The following RIMS2 variants were observed in gnomAD, a reference collection of about 807,000 sequenced individuals.
RIMS2 encodes the protein regulating synaptic membrane exocytosis protein 2.
In RIMS2, 59 loss-of-function variants were observed where a neutral mutation model predicts 174.4. The ratio of observed to expected loss-of-function variants is 0.34; its 90% CI spans 0.27 to 0.42. The LOEUF (loss-of-function observed/expected upper bound fraction) is 0.42, where lower values mean the gene tolerates loss of function less well. Among genes scored for constraint, RIMS2 ranks in the 10% least tolerant of loss-of-function variants. The probability of loss-of-function intolerance (pLI) is 1.00; values close to 1 mark genes in which losing one functional copy is unlikely to be tolerated. For missense variants in RIMS2, 1,620 were observed against 1,666.3 expected, an observed-to-expected ratio of 0.97 and a Z score of 0.48; for synonymous variants, 606 against 572.5, an observed-to-expected ratio of 1.06 and a Z score of -0.84.
At chr8:103,670,130 C>G (rs1316871593) in intron 1 of RIMS2, among the ~76,000 whole-genome samples, 7 of 152,228 alleles carry the variant, frequency 4.6e-5, no homozygotes, top group Non-Finnish European at 1.0e-4. Flanking sequence ...GGCTCAACAC[C>G]AGGTGGAAGC....
intron 4 of RIMS2, among the ~76,000 whole-genome samples, chr8:103,896,711 G>T (rs1233797870): frequency 2.0e-5 from 3 of 151,502 alleles, no homozygotes; most frequent in Non-Finnish European, 4.4e-5. Flanking sequence ...CTCATCTAGA[G>T]GGTCCAAAAT....
intron 3 of RIMS2, chr8:103,819,252 T>C: frequency 7.7e-7 from 1 of 1,295,392 alleles, no homozygotes; most frequent in South Asian, 1.7e-5. Context: ...AAAAGCTTAC[T>C]GCTGTTTAGA....
chr8:103,544,934 C>T (rs913191889), intron 1 of RIMS2, among the ~76,000 whole-genome samples: 1 of 152,162 alleles, frequency 6.6e-6, no homozygotes, highest in African/African-American at 2.4e-5. Context: ...AACATCAGCC[C>T]ACACATGTGA....
intron 16 of RIMS2, among the ~76,000 whole-genome samples, chr8:103,984,878 C>G (rs1259598295): frequency 2.0e-5 from 3 of 152,170 alleles, no homozygotes; most frequent in Non-Finnish European, 4.4e-5. Flanking sequence ...GATCCTGTCA[C>G]TTGTAACAAC....
At chr8:104,101,040 T>C (rs1002557329) in intron 19 of RIMS2, among the ~76,000 whole-genome samples, 101 of 143,334 alleles carry the variant, frequency 7.0e-4, no homozygotes, top group Non-Finnish European at 2.3e-4. Context: ...TTATATATTA[T>C]ATTATATATT....
chr8:104,095,418 A>G (rs2097742006), intron 19 of RIMS2, among the ~76,000 whole-genome samples: 1 of 152,170 alleles, frequency 6.6e-6, no homozygotes, highest in Admixed American at 6.5e-5. Context: ...CTTAAACTCA[A>G]TCCATTAGAT....
chr8:104,148,660 T>G (rs374093586), intron 19 of RIMS2: 1 of 1,598,270 alleles, frequency 6.3e-7, no homozygotes, highest in East Asian at 2.2e-5. Context: ...GGGAAGAACA[T>G]GACAAAAAGC....
intron 3 of RIMS2, among the ~76,000 whole-genome samples, chr8:103,769,951 A>G (rs1010027900): frequency 6.6e-6 from 1 of 152,248 alleles, no homozygotes; most frequent in Non-Finnish European, 1.5e-5. Context: ...CAGATTTGGT[A>G]GTTATGCCAA....
chr8:103,771,309 A>T lies in RIMS2; in HGVS notation c.698+4772A>T, dbSNP rs531103777. ...GTAAAACTGGATTTTTTTCTGGTTA[A>T]GAAAATAAAATTAGTGAAAACTAAA... On this transcript the variant is annotated intron_variant, in intron 3 of 23. Coordinates refer to ENST00000504942, the Ensembl canonical transcript of RIMS2. Among the ~76,000 whole-genome samples, 105 of 152,322 alleles carry T rather than the reference A, an allele frequency of 6.9e-4. 1 individual carries two copies. Among genetic ancestry groups the T allele is most frequent in the African/African-American group, 2.2e-3 (93 of 41,596 alleles).
intron 19 of RIMS2, among the ~76,000 whole-genome samples, chr8:104,111,081 G>A (rs1479935852): frequency 6.6e-6 from 1 of 151,944 alleles, no homozygotes; most frequent in Non-Finnish European, 1.5e-5. Context: ...CTCACTGTAG[G>A]GATTGATATT....
At chr8:104,228,024 CTTTTTTTT>C (rs1004772231) in intron 19 of RIMS2, among the ~76,000 whole-genome samples, 1 of 133,588 alleles carries the variant, frequency 7.5e-6, no homozygotes, top group African/African-American at 2.8e-5. Context: ...TGTTTCTTTT[CTTTTTTTT>C]TTTTTTTTTT....
At chr8:103,509,569 G>T (rs1338770009) in intron 1 of RIMS2, among the ~76,000 whole-genome samples, 1 of 152,052 alleles carries the variant, frequency 6.6e-6, no homozygotes, top group African/African-American at 2.4e-5. Context: ...TGAAGATTCT[G>T]TGCATCTTTA....
At chr8:104,082,244 G>A (rs2097434216) in intron 19 of RIMS2, among the ~76,000 whole-genome samples, 1 of 151,966 alleles carries the variant, frequency 6.6e-6, no homozygotes, top group African/African-American at 2.4e-5. Flanking sequence ...ATTAAAGGAA[G>A]GAGAGAGGGA....
At chr8:103,886,269 G>GT (rs533209348) in intron 4 of RIMS2, 46 bp downstream of exon 7, 407 of 1,459,262 alleles carry the variant, frequency 2.8e-4, no homozygotes, top group African/African-American at 8.2e-4. Flanking sequence ...TTAGATAAGC[G>GT]TTTTTTTTAA....
chr8:104,114,530 T>C (rs998685608), intron 19 of RIMS2, among the ~76,000 whole-genome samples: 5 of 152,018 alleles, frequency 3.3e-5, no homozygotes, highest in African/African-American at 1.2e-4. Flanking sequence ...CCTTAAGGAA[T>C]ATATAAATTA....
intron 3 of RIMS2, among the ~76,000 whole-genome samples, chr8:103,873,168 A>G (rs2099120579): frequency 6.6e-6 from 1 of 152,102 alleles, no homozygotes; most frequent in Non-Finnish European, 1.5e-5. Context: ...GCTTTAAAAT[A>G]ATATTCCTGG....
intron 1 of RIMS2, among the ~76,000 whole-genome samples, chr8:103,569,616 A>ATT (rs1359545130): frequency 6.8e-6 from 1 of 146,544 alleles, no homozygotes. Context: ...TTTCTTTTTG[A>ATT]TTTTTTTTTT....
At chr8:103,977,842 T>A (rs1394049516) in intron 16 of RIMS2, among the ~76,000 whole-genome samples, 1 of 152,234 alleles carries the variant, frequency 6.6e-6, no homozygotes, top group Non-Finnish European at 1.5e-5. Context: ...AAGATATTTT[T>A]AAAAATGCAG....
At chr8:103,546,588 A>G (rs1845225058) in intron 1 of RIMS2, among the ~76,000 whole-genome samples, 1 of 152,232 alleles carries the variant, frequency 6.6e-6, no homozygotes, top group Non-Finnish European at 1.5e-5. Context: ...CATTCTTCTC[A>G]TCTGCACGTG....
Sources: gnomAD v4.1 joint callset for allele counts (sites outside exome capture counted in the v4.1 genomes callset) on GRCh38, gnomAD v4.1.1 for gene constraint, MANE v1.5 for transcripts, NCBI Gene and HGNC (gene_info 2026-07-23, HGNC 2026-07-21) for gene names.